Variants in PAPOLA observed in about 807,000 individuals in gnomAD.
PAPOLA encodes polynucleotide adenylyltransferase alpha.
In PAPOLA, 15 loss-of-function variants were observed where a neutral mutation model predicts 100.6. That is an observed-to-expected ratio of 0.15 (90% CI 0.10 to 0.23). The LOEUF is 0.23. Among genes scored for constraint, PAPOLA ranks in the 10% least tolerant of loss-of-function variants. The probability of loss-of-function intolerance (pLI) is 1.00; values close to 1 mark genes in which losing one functional copy is unlikely to be tolerated. For synonymous variants in PAPOLA, 293 were observed against 300.0 expected, an observed-to-expected ratio of 0.98 and a Z score of 0.24; for missense variants, 533 against 884.2, an observed-to-expected ratio of 0.60 and a Z score of 5.04.
At position 96,565,794 on chromosome 14, in the gene PAPOLA, G is replaced by C. The variant is rs146649353; in HGVS notation, c.*744G>C. The C allele has an allele frequency of 2.5e-6, 1 of 398,166 alleles. No homozygotes were observed. The highest frequency in any genetic ancestry group is 4.4e-6 in the Non-Finnish European group (1 of 225,774). 24.7% of individuals were successfully genotyped at this position (398,166 alleles called of 1,614,324 possible). A position where few individuals can be genotyped will look rare whatever the true frequency, so the allele number is the denominator to read the frequency against. ...TTTTCTTTGAGCTTGTGAAAGCTCT[G>C]TGTTCTTTTGCCTTCAATCTGTTGT... On this transcript the variant is annotated 3_prime_UTR_variant, in exon 22 of 22. Coordinates refer to ENST00000216277, the MANE Select transcript of PAPOLA (RefSeq NM_032632.5).
chr14:96,566,167 T>C lies in PAPOLA; in HGVS notation c.*1117T>C. 1 of 372,730 alleles carries C rather than the reference T, an allele frequency of 2.7e-6. No individual in the cohort carries two copies. Among genetic ancestry groups the C allele is most frequent in the East Asian group, 3.8e-5 (1 of 26,142 alleles). The allele number at this position is 372,730 out of a possible 1,614,324, so 23.1% of individuals were successfully genotyped here. On this transcript the variant is annotated 3_prime_UTR_variant, in exon 22 of 22. Coordinates refer to ENST00000216277, the MANE Select transcript of PAPOLA (RefSeq NM_032632.5). Reference sequence around the variant, plus strand: ...TTTAAATGTGGGCAAAAAGGCATTTTCTCCAAGATTTTAAAACTAATTCTT... The same window carrying C: ...TTTAAATGTGGGCAAAAAGGCATTTCCTCCAAGATTTTAAAACTAATTCTT...
intron 15 of PAPOLA, among the ~76,000 whole-genome samples, chr14:96,544,732 A>C (rs1264239948): frequency 6.6e-6 from 1 of 152,068 alleles, no homozygotes. Flanking sequence ...AATGGGAAAC[A>C]ACTTGAATAT....
chr14:96,518,877 T>G (rs1403601560), intron 1 of PAPOLA, among the ~76,000 whole-genome samples: 2 of 151,742 alleles, frequency 1.3e-5, no homozygotes, highest in African/African-American at 4.8e-5. Flanking sequence ...GCCAACATGG[T>G]GAAACCCTGT....
intron 10 of PAPOLA, chr14:96,535,201 A>T (rs1837268509): frequency 1.1e-6 from 1 of 902,300 alleles, no homozygotes; most frequent in Non-Finnish European, 1.3e-6. Flanking sequence ...TAAGTTTATG[A>T]AATCCTTTTT....
intron 6 of PAPOLA, 145 bp from the exon 7 acceptor site, chr14:96,531,330 C>G (rs1899000429): frequency 1.6e-6 from 1 of 619,374 alleles, no homozygotes; most frequent in African/African-American, 1.9e-5. Flanking sequence ...CAGGGTTTCG[C>G]CATGTTGCCC....
At chr14:96,502,745 G>T (rs1002076877) in intron 1 of PAPOLA, 145 bp downstream of exon 1, 5 of 820,396 alleles carry the variant, frequency 6.1e-6, no homozygotes, top group African/African-American at 1.9e-5. Context: ...GGACCTTCCT[G>T]TTTCCTCGCT....
chr14:96,537,401 A>G (rs1899628654), intron 12 of PAPOLA: 1 of 185,102 alleles, frequency 5.4e-6, no homozygotes, highest in Non-Finnish European at 1.1e-5. Context: ...CTGCTAAGAA[A>G]CAGTATTTTT....
intron 20 of PAPOLA, among the ~76,000 whole-genome samples, chr14:96,561,213 A>G (rs1171719927): frequency 1.3e-5 from 2 of 152,144 alleles, no homozygotes; most frequent in African/African-American, 2.4e-5. Flanking sequence ...TGGGGCTTGA[A>G]TGAGGTGTAG....
intron 7 of PAPOLA, chr14:96,532,127 A>G: frequency 7.3e-7 from 1 of 1,370,404 alleles, no homozygotes; most frequent in East Asian, 2.8e-5. Flanking sequence ...TAGGAGATAA[A>G]TGCTTTAGAT....
chr14:96,543,596 A>C (rs538976096), intron 14 of PAPOLA, among the ~76,000 whole-genome samples: 11 of 151,002 alleles, frequency 7.3e-5, no homozygotes, highest in Admixed American at 1.3e-4. Context: ...GAGTTTTTTT[A>C]CATTTTGTGG....
intron 6 of PAPOLA, among the ~76,000 whole-genome samples, chr14:96,530,662 C>T (rs545461049): frequency 3.3e-5 from 5 of 151,886 alleles, no homozygotes; most frequent in South Asian, 2.1e-4. Flanking sequence ...CTGGGACTAC[C>T]GGCGGGAGCC....
rs1902279689 is a variant in PAPOLA, at chr14:96,566,424, T to C, written c.*1374T>C. ...CAGATGTTGATAAACTTACTCTTTC[T>C]GAATCTGGACAAAGTCGACTTAACA... On this transcript the variant is annotated 3_prime_UTR_variant, in exon 22 of 22. Transcript: ENST00000216277. The C allele has an allele frequency of 6.5e-6, 1 of 152,718 alleles. No individual in the cohort carries two copies. Among genetic ancestry groups the C allele is most frequent in the Non-Finnish European group, 1.5e-5 (1 of 68,088 alleles). The allele number at this position is 152,718 out of a possible 1,614,324, so 9.5% of individuals were successfully genotyped here.
chr14:96,511,427 C>T (rs1897102196), intron 1 of PAPOLA, among the ~76,000 whole-genome samples: 1 of 152,122 alleles, frequency 6.6e-6, no homozygotes, highest in Admixed American at 6.6e-5. Context: ...ATGCAAAGTA[C>T]TTAAACATTA....
Position 96,534,102 on chromosome 14 carries a change from T to C in PAPOLA, c.837-389T>C, listed in dbSNP as rs550356546. 5.0e-6 allele frequency: 5 copies of C among 1,004,194 alleles called. No homozygotes were observed. In the South Asian group the frequency reaches 1.8e-4, roughly 36 times the overall value. The allele number at this position is 1,004,194 out of a possible 1,614,324, so 62.2% of individuals were successfully genotyped here. A position where few individuals can be genotyped will look rare whatever the true frequency, so the allele number is the denominator to read the frequency against. On this transcript the variant is annotated intron_variant, in intron 9 of 21. Transcript: ENST00000216277. ...CTTTGCCTGTGATCAGAAGTAACTT[T>C]TAAAATTATCACTTGACTTTGGATG...
intron 1 of PAPOLA, among the ~76,000 whole-genome samples, chr14:96,518,915 G>C (rs1229049957): frequency 6.6e-6 from 1 of 151,828 alleles, no homozygotes; most frequent in East Asian, 2.0e-4. Context: ...AAATTAGCCG[G>C]GTGTGGTGGC....
intron 13 of PAPOLA, chr14:96,542,509 A>G (rs1329819556): frequency 1.3e-5 from 7 of 543,566 alleles, no homozygotes; most frequent in South Asian, 2.9e-5. Context: ...ATCCGTGCAT[A>G]ATTTCTTAAT....
intron 16 of PAPOLA, among the ~76,000 whole-genome samples, chr14:96,551,615 T>C (rs1900855680): frequency 6.6e-6 from 1 of 152,218 alleles, no homozygotes; most frequent in African/African-American, 2.4e-5. Context: ...TTATTTTCAT[T>C]AAAATGTTTC....
chr14:96,524,723 A>G (rs1460554273), intron 3 of PAPOLA, among the ~76,000 whole-genome samples: 1 of 152,026 alleles, frequency 6.6e-6, no homozygotes, highest in Admixed American at 6.5e-5. Context: ...GGGGTTTCAC[A>G]TGTTGCCGAA....
intron 20 of PAPOLA, among the ~76,000 whole-genome samples, chr14:96,561,484 G>A (rs915292238): frequency 6.6e-6 from 1 of 152,128 alleles, no homozygotes; most frequent in Admixed American, 6.5e-5. Context: ...GTATCATTAT[G>A]TAATCTACAA....
Sources: allele counts gnomAD v4.1 joint callset (sites outside exome capture counted in the v4.1 genomes callset), GRCh38; gene constraint gnomAD v4.1.1; transcripts MANE v1.5; gene names NCBI Gene and HGNC (gene_info 2026-07-23, HGNC 2026-07-21).